Variants in RP2 observed in about 807,000 individuals in gnomAD.
The protein encoded by RP2 is protein XRP2.
Under a neutral mutation model 20.3 loss-of-function variants are expected in RP2, and 3 were observed. That is an observed-to-expected ratio of 0.15 (90% confidence interval 0.07 to 0.38). The LOEUF (loss-of-function observed/expected upper bound fraction) is 0.38, where lower values mean the gene tolerates loss of function less well. RP2 is among the 10% of genes least tolerant of loss of function. The pLI is 1.00. For missense variants in RP2, 233 were observed against 268.5 expected (o/e 0.87, Z 0.92); for synonymous variants, 75 against 94.8 (o/e 0.79, Z 1.22).
At chrX:46,842,521 A>G (rs191292599) in intron 1 of RP2, among the ~76,000 whole-genome samples, 25 of 111,935 alleles carry the variant, frequency 2.2e-4, no homozygotes, top group Admixed American at 5.7e-4. Context: ...AAAATAAAGT[A>G]TATAATTCAG....
At chrX:46,867,661 C>T (rs1925200114) in intron 3 of RP2, among the ~76,000 whole-genome samples, 1 of 109,577 alleles carries the variant, frequency 9.1e-6, no homozygotes, top group Non-Finnish European at 1.9e-5. Context: ...ACCCCACTGT[C>T]CCCTTTTCCA....
At position 46,838,427 on chromosome X, in the gene RP2, A is replaced by G. The variant is rs367600582; in HGVS notation, c.102+1225A>G. ...GAAAGTACTATGCTTTCTATTTCAC[A>G]AGAAGATTGCACCTGCCATTTAAAG... On this transcript the variant is annotated intron_variant, in intron 1 of 4. Transcript: ENST00000218340. Among the ~76,000 whole-genome samples the G allele has an allele frequency of 9.1e-4, 102 of 112,465 alleles. 1 individual carries two copies. In the South Asian group the frequency reaches 0.034, roughly 38 times the overall value.
intron 4 of RP2, among the ~76,000 whole-genome samples, chrX:46,879,062 T>TAAAAAAAAAAAA (rs35579507): frequency 6.1e-5 from 2 of 33,047 alleles, no homozygotes; most frequent in Non-Finnish European, 9.0e-5. Flanking sequence ...CTACAAAAAG[T>TAAAAAAAAAAAA]AAAAAAAAAA....
At chrX:46,839,028 G>C (rs1924565536) in intron 1 of RP2, among the ~76,000 whole-genome samples, 1 of 111,354 alleles carries the variant, frequency 9.0e-6, no homozygotes, top group Non-Finnish European at 1.9e-5. Context: ...GATCAACTCA[G>C]CCAATCAAAA....
chrX:46,868,250 C>T (rs1325637183), intron 3 of RP2, among the ~76,000 whole-genome samples: 1 of 111,489 alleles, frequency 9.0e-6, no homozygotes, highest in Non-Finnish European at 1.9e-5. Flanking sequence ...ATAGGCCAGG[C>T]GTGGTGGCTC....
intron 3 of RP2, among the ~76,000 whole-genome samples, chrX:46,867,579 C>T (rs1925197818): frequency 8.9e-6 from 1 of 111,926 alleles, no homozygotes; most frequent in African/African-American, 3.3e-5. Context: ...AATTTACCAC[C>T]TTTACCATTT....
intron 1 of RP2, among the ~76,000 whole-genome samples, chrX:46,839,174 G>GT (rs201750245): frequency 1.2e-3 from 130 of 110,416 alleles, no homozygotes; most frequent in African/African-American, 3.9e-3. Flanking sequence ...TTTCTTTTTA[G>GT]TTTTTTTTTC....
rs201714711 is a variant in RP2 at position 46,853,569 on chromosome X, G to A, written c.196G>A (p.Asp66Asn). The part of the protein sequence containing the change: ...TVAGQQFLIQ[D>N]CENCNIYIFD... The stretch of plus-strand genomic sequence containing the variant: ...AGCAGGACAACAGTTTCTCATTCAA[G>A]ACTGTGAGAACTGTAACATCTATAT... Residue 66 changes from aspartate to asparagine, a missense_variant, in exon 2 of 5, where the codon GAC (aspartate) becomes AAC (asparagine). Transcript: ENST00000218340. 1.5e-4 allele frequency: 185 copies of A among 1,208,582 alleles called. No individual in the cohort carries two copies. Among genetic ancestry groups the A allele is most frequent in the South Asian group, 3.5e-4 (20 of 56,785 alleles).
At chrX:46,862,634 T>C (rs1339907630) in intron 3 of RP2, among the ~76,000 whole-genome samples, 1 of 111,588 alleles carries the variant, frequency 9.0e-6, no homozygotes, top group African/African-American at 3.3e-5. Flanking sequence ...CACTCCAGCC[T>C]GGGCGACAGA....
intron 4 of RP2, among the ~76,000 whole-genome samples, chrX:46,878,345 C>T (rs1602355510): frequency 9.6e-6 from 1 of 103,901 alleles, no homozygotes; most frequent in African/African-American, 3.5e-5. Flanking sequence ...CCACTGCACT[C>T]CAGCCTGGGC....
Position 46,879,062 on chromosome X carries a change from T to TAAAAAAA in RP2, c.970-602_970-596dup, listed in dbSNP as rs35579507. Among the ~76,000 whole-genome samples the TAAAAAAA allele has an allele frequency of 6.4e-4, 21 of 33,043 alleles. 2 individuals are homozygous for TAAAAAAA. The highest frequency in any genetic ancestry group is 8.1e-4 in the African/African-American group (5 of 6,151). The allele number at this position is 33,043 out of a possible 115,157, so 28.7% of individuals were successfully genotyped here. A position where few individuals can be genotyped will look rare whatever the true frequency, so the allele number is the denominator to read the frequency against. Reference sequence around the variant, plus strand: ...CAACATAGTGAGACTCTACAAAAAGTAAAAAAAAAAAAAAAAAAAAAAAAA... The same window carrying TAAAAAAA: ...CAACATAGTGAGACTCTACAAAAAGTAAAAAAAAAAAAAAAAAAAAAAAAAAAAAAAA... On this transcript the variant is annotated intron_variant, in intron 4 of 4. Coordinates refer to ENST00000218340, the MANE Select transcript of RP2 (RefSeq NM_006915.3).
At chrX:46,847,035 T>TA (rs1401954678) in intron 1 of RP2, among the ~76,000 whole-genome samples, 20 of 111,062 alleles carry the variant, frequency 1.8e-4, no homozygotes, top group East Asian at 5.6e-4. Flanking sequence ...CGCCTAGCTT[T>TA]AAAAAAAAAT....
rs181500542 is a variant in RP2, at chrX:46,852,851, G to A, written c.103-625G>A. Among the ~76,000 whole-genome samples the A allele has an allele frequency of 4.5e-5, 5 of 111,249 alleles. No homozygotes were observed. The Admixed American group carries it at 4.8e-4, about 11-fold the overall frequency. On this transcript the variant is annotated intron_variant, in intron 1 of 4. Coordinates refer to ENST00000218340, the MANE Select transcript of RP2 (RefSeq NM_006915.3). ...TCCCACCTCGGCCTCCCAAAGTGCT[G>A]GGATTAAAAGCAAGAGCCACTGCAC...
Position 46,853,947 on chromosome X carries a change from G to T in RP2, c.574G>T (p.Asp192Tyr), listed in dbSNP as rs1556318680. The change falls in exon 2 of 5, where the codon GAT (aspartate) becomes TAT (tyrosine). Residue 192 changes from aspartate (D) to tyrosine (Y), a missense_variant. Asp to Tyr is a radical substitution (Grantham distance 160). Coordinates refer to ENST00000218340, the MANE Select transcript of RP2 (RefSeq NM_006915.3). ...GELNWSLLPE[D>Y]AVVQDYVPIP... ...ACTCAACTGGAGCCTTCTTCCAGAAGATGCTGTGGTTCAGGACTATGTTCC... is the reference window on the plus strand; with the variant it reads ...ACTCAACTGGAGCCTTCTTCCAGAATATGCTGTGGTTCAGGACTATGTTCC... The T allele has an allele frequency of 8.3e-7, 1 of 1,211,906 alleles. No individual in the cohort carries two copies. The highest frequency in any genetic ancestry group is 1.1e-6 in the Non-Finnish European group (1 of 895,531).
chrX:46,862,431 C>T (rs920312553), intron 3 of RP2, among the ~76,000 whole-genome samples: 3 of 108,724 alleles, frequency 2.8e-5, no homozygotes, highest in South Asian at 7.9e-4. Context: ...GAGGCCAAGG[C>T]GGGCAGATCA....
At chrX:46,871,393 A>G (rs187372189) in intron 3 of RP2, among the ~76,000 whole-genome samples, 39 of 111,740 alleles carry the variant, frequency 3.5e-4, no homozygotes, top group African/African-American at 1.2e-3. Context: ...TTTACAGAAA[A>G]AGTATGTTGA....
rs782753987 is a variant in RP2, at chrX:46,882,169, AATT to A, written c.*2405_*2407del. ...CTGAATAGCTTTTGAATTTATGAAAAATTATTAACAATGAAAAATTGGTAATTT... is the reference window on the plus strand; with the variant it reads ...CTGAATAGCTTTTGAATTTATGAAAAATTAACAATGAAAAATTGGTAATTT... On this transcript the variant is annotated 3_prime_UTR_variant, in exon 5 of 5. Coordinates refer to ENST00000218340, the MANE Select transcript of RP2 (RefSeq NM_006915.3). 1.8e-5 allele frequency: 2 copies of A among 112,651 alleles called. No homozygotes were observed. The highest frequency in any genetic ancestry group is 3.7e-5 in the Non-Finnish European group (2 of 53,359). The allele number at this position is 112,651 out of a possible 1,213,427, so 9.3% of individuals were successfully genotyped here.
intron 1 of RP2, among the ~76,000 whole-genome samples, chrX:46,847,826 ATGTGTATATATG>A (rs1462334478): frequency 2.6e-4 from 23 of 89,540 alleles, no homozygotes; most frequent in African/African-American, 5.1e-4. Flanking sequence ...ATATGTGTAT[ATGTGTATATATG>A]TGTGTATATA....
chrX:46,861,114 A>G (rs1925054705), intron 3 of RP2, among the ~76,000 whole-genome samples: 1 of 111,950 alleles, frequency 8.9e-6, no homozygotes, highest in Non-Finnish European at 1.9e-5. Flanking sequence ...AACATTTGGA[A>G]GCTTGAAAAT....
Sources: gnomAD v4.1 joint callset for allele counts (sites outside exome capture counted in the v4.1 genomes callset) on GRCh38, gnomAD v4.1.1 for gene constraint, MANE v1.5 for transcripts, NCBI Gene and HGNC (gene_info 2026-07-23, HGNC 2026-07-21) for gene names.